SLC38A4: variants seen among roughly 807,000 people sequenced by gnomAD.
SLC38A4 encodes the protein sodium-coupled neutral amino acid transporter 4.
SLC38A4 carries 20 observed loss-of-function variants against 63.1 expected under a neutral mutation model. The ratio of observed to expected loss-of-function variants is 0.32; its 90% CI spans 0.22 to 0.46. The LOEUF is 0.46. Among genes scored for constraint, SLC38A4 ranks in the 20% least tolerant of loss-of-function variants. The probability of loss-of-function intolerance (pLI) is 1.00; values close to 1 mark genes in which losing one functional copy is unlikely to be tolerated. For missense variants in SLC38A4, 526 were observed against 663.6 expected, an observed-to-expected ratio of 0.79 and a Z score of 2.28; for synonymous variants, 230 against 225.5, an observed-to-expected ratio of 1.02 and a Z score of -0.18.
intron 7 of SLC38A4, among the ~76,000 whole-genome samples, chr12:46,781,688 A>G (rs890531552): frequency 1.3e-5 from 2 of 152,006 alleles, no homozygotes; most frequent in Non-Finnish European, 2.9e-5. Flanking sequence ...TGATGTTACG[A>G]TATTTCATCT....
chr12:46,805,547 T>C (rs1470729346), intron 1 of SLC38A4, among the ~76,000 whole-genome samples: 1 of 152,062 alleles, frequency 6.6e-6, no homozygotes, highest in Admixed American at 6.6e-5. Context: ...AAACACAGAC[T>C]TAATCATTAT....
intron 1 of SLC38A4, among the ~76,000 whole-genome samples, chr12:46,820,187 T>C (rs1458514493): frequency 6.6e-6 from 1 of 151,966 alleles, no homozygotes; most frequent in African/African-American, 2.4e-5. Context: ...TTAGTTTTGT[T>C]TGAGATAAGA....
intron 1 of SLC38A4, among the ~76,000 whole-genome samples, chr12:46,817,069 A>G (rs1290666405): frequency 6.6e-6 from 1 of 151,848 alleles, no homozygotes; most frequent in East Asian, 1.9e-4. Context: ...AGTTGGGGCC[A>G]GGCTTGTGTA....
intron 1 of SLC38A4, among the ~76,000 whole-genome samples, chr12:46,810,042 T>C (rs543861014): frequency 8.3e-4 from 126 of 152,190 alleles, no homozygotes; most frequent in Middle Eastern, 3.4e-3. Flanking sequence ...GACATTCTAA[T>C]AATTATCAGT....
intron 1 of SLC38A4, among the ~76,000 whole-genome samples, chr12:46,821,428 A>C (rs1217433222): frequency 1.8e-4 from 27 of 151,954 alleles, no homozygotes; most frequent in Admixed American, 1.8e-3. Flanking sequence ...TGTTTTCCCT[A>C]TTGTGTGTTC....
In SLC38A4 at chr12:46,766,713, G is replaced by A; in HGVS notation, c.1632C>T (p.Ser544=). 6.2e-7 allele frequency: 1 copy of A among 1,607,098 alleles called. No individual in the cohort carries two copies. The change falls in exon 17 of 17, where the codon TCC becomes TCT. Residue 544 remains serine (S), a synonymous_variant. Coordinates refer to ENST00000266579, the MANE Select transcript of SLC38A4 (RefSeq NM_018018.5). ...IIDWIYDPPN[S]KHH ...ATTTTTCCTTGTGTTAGTGATGCTT[G>A]GAATTTGGAGGATCATAAATCCAGT...
chr12:46,786,789 T>C (rs1169918472), intron 5 of SLC38A4, among the ~76,000 whole-genome samples: 5 of 152,158 alleles, frequency 3.3e-5, no homozygotes, highest in Non-Finnish European at 7.4e-5. Context: ...AATACAAATA[T>C]TTATAGTCCT....
intron 16 of SLC38A4, 148 bp from the exon 17 acceptor site, chr12:46,766,950 C>A (rs1938313754): frequency 1.8e-6 from 1 of 569,850 alleles, no homozygotes. Context: ...ACCTATCAGT[C>A]AATTTAGAAT....
At chr12:46,777,167 T>G (rs999427684) in intron 12 of SLC38A4, among the ~76,000 whole-genome samples, 163 bp from the exon 13 acceptor site, 1 of 152,050 alleles carries the variant, frequency 6.6e-6, no homozygotes, top group Non-Finnish European at 1.5e-5. Flanking sequence ...AGAGAGCTAA[T>G]GAGGATTCAT....
At chr12:46,775,220 G>A (rs1194448054) in intron 13 of SLC38A4, 47 bp from the exon 14 acceptor site, 1 of 1,586,872 alleles carries the variant, frequency 6.3e-7, no homozygotes, top group Middle Eastern at 1.7e-4. Context: ...TGTCAAATCA[G>A]CACAGGTCAC....
chr12:46,812,807 G>C lies in SLC38A4; in HGVS notation c.-304-9013C>G, dbSNP rs892978484. The stretch of plus-strand genomic sequence containing the variant: ...AATAAGTAGTAATTACACTTAAAAA[G>C]GGGTCAGAGAAATATCAAAGTGGTC... On this transcript the variant is annotated intron_variant, in intron 1 of 16. Coordinates refer to ENST00000266579, the MANE Select transcript of SLC38A4 (RefSeq NM_018018.5). Among the ~76,000 whole-genome samples, 5 of 152,058 alleles carry C rather than the reference G, an allele frequency of 3.3e-5. No individual in the cohort carries two copies. In the East Asian group the frequency reaches 7.8e-4, roughly 24 times the overall value.
chr12:46,812,182 A>C (rs1020782267), intron 1 of SLC38A4, among the ~76,000 whole-genome samples: 28 of 152,164 alleles, frequency 1.8e-4, no homozygotes, highest in African/African-American at 6.3e-4. Flanking sequence ...ATATGTGCTT[A>C]TTTGGATGGG....
At chr12:46,777,074 A>G (rs1437805839) in intron 12 of SLC38A4, 70 bp from the exon 13 acceptor site, 6 of 1,254,190 alleles carry the variant, frequency 4.8e-6, no homozygotes, top group Middle Eastern at 1.9e-4. Context: ...CAAAATGAAA[A>G]TAATAATAAA....
intron 1 of SLC38A4, among the ~76,000 whole-genome samples, chr12:46,824,140 T>C (rs762745115): frequency 6.6e-6 from 1 of 152,210 alleles, no homozygotes; most frequent in Non-Finnish European, 1.5e-5. Context: ...GTTGGCAGTA[T>C]GTGTCTGAGC....
chr12:46,831,832 G>C (rs1265094159), intron 1 of SLC38A4, among the ~76,000 whole-genome samples: 1 of 148,956 alleles, frequency 6.7e-6, no homozygotes, highest in African/African-American at 2.6e-5. Flanking sequence ...GCCAGCTCCC[G>C]CGGGGGAAGT....
intron 4 of SLC38A4, 71 bp from the exon 5 acceptor site, chr12:46,788,102 C>T (rs969273201): frequency 1.6e-5 from 18 of 1,103,732 alleles, no homozygotes; most frequent in Non-Finnish European, 2.3e-5. Flanking sequence ...TATCCTTATT[C>T]TCACATTATC....
chr12:46,811,628 G>A (rs957870076), intron 1 of SLC38A4, among the ~76,000 whole-genome samples: 2 of 151,984 alleles, frequency 1.3e-5, no homozygotes, highest in Admixed American at 6.6e-5. Flanking sequence ...TCCACATAGA[G>A]CTTGAGATTT....
intron 15 of SLC38A4, among the ~76,000 whole-genome samples, chr12:46,769,023 A>G (rs763119362): frequency 6.6e-6 from 1 of 152,136 alleles, no homozygotes; most frequent in Non-Finnish European, 1.5e-5. Context: ...ACACCAAGGT[A>G]TATGACTTGA....
intron 15 of SLC38A4, 46 bp from the exon 16 acceptor site, chr12:46,768,453 TC>T (rs1279025845): frequency 9.0e-6 from 13 of 1,442,286 alleles, no homozygotes; most frequent in Middle Eastern, 1.8e-4. Flanking sequence ...ACCCAGCAGT[TC>T]CTAGCAAAGG....
Sources: gnomAD v4.1 joint callset for allele counts (sites outside exome capture counted in the v4.1 genomes callset) on GRCh38, gnomAD v4.1.1 for gene constraint, MANE v1.5 for transcripts, NCBI Gene and HGNC (gene_info 2026-07-23, HGNC 2026-07-21) for gene names.